Variants in SDHB observed in about 807,000 individuals in gnomAD.
SDHB encodes the protein succinate dehydrogenase [ubiquinone] iron-sulfur subunit, mitochondrial.
A neutral mutation model predicts 39.7 loss-of-function variants in SDHB; 21 were observed. The observed-to-expected ratio is 0.53, with a 90% confidence interval of 0.37 to 0.76. The LOEUF (loss-of-function observed/expected upper bound fraction) is 0.76. Among genes scored for constraint, SDHB ranks in the 30% least tolerant of loss-of-function variants. The pLI is 0.00. For missense variants in SDHB, 343 were observed against 350.9 expected, an observed-to-expected ratio of 0.98 and a Z score of 0.18; for synonymous variants, 118 against 117.0, an observed-to-expected ratio of 1.01 and a Z score of -0.06.
At chr1:17,048,953 C>T (rs1332199309) in intron 1 of SDHB, among the ~76,000 whole-genome samples, 7 of 152,038 alleles carry the variant, frequency 4.6e-5, no homozygotes, top group African/African-American at 1.2e-4. Flanking sequence ...TCAGGTGATC[C>T]GCCTGCCTTG....
At chr1:17,039,902 T>C (rs1325459447) in intron 2 of SDHB, among the ~76,000 whole-genome samples, 2 of 152,222 alleles carry the variant, frequency 1.3e-5, no homozygotes, top group Middle Eastern at 3.2e-3. Context: ...ATATCTACTA[T>C]GTCCAGCGCT....
chr1:17,023,241 C>G, intron 6 of SDHB: 1 of 260,714 alleles, frequency 3.8e-6, no homozygotes, highest in Non-Finnish European at 7.6e-6. Flanking sequence ...ATCACATGAC[C>G]ATAGGCCTGC....
At chr1:17,038,988 TTTTTTCTTGCGC>T (rs2078064299) in intron 2 of SDHB, among the ~76,000 whole-genome samples, 2 of 152,308 alleles carry the variant, frequency 1.3e-5, no homozygotes, top group South Asian at 4.1e-4. Context: ...TATTTCTTTA[TTTTTTCTTGCGC>T]TTTTTCTTGC....
At chr1:17,030,219 A>T (rs2101525423) in intron 3 of SDHB, among the ~76,000 whole-genome samples, 1 of 152,238 alleles carries the variant, frequency 6.6e-6, no homozygotes, top group South Asian at 2.1e-4. Context: ...TGTTTTTTGT[A>T]GAGCAGGTGT....
intron 1 of SDHB, 70 bp downstream of exon 1, chr1:17,053,878 C>T: frequency 8.7e-7 from 1 of 1,148,076 alleles, no homozygotes; most frequent in Non-Finnish European, 1.3e-6. Context: ...AGTCTCTCCG[C>T]AGCCCCATCA....
intron 1 of SDHB, among the ~76,000 whole-genome samples, chr1:17,049,647 CT>C (rs397835910): frequency 2.3e-3 from 120 of 52,046 alleles, no homozygotes; most frequent in African/African-American, 2.9e-3. Flanking sequence ...TCCCCTAGTT[CT>C]TTTTTTTTTT....
intron 1 of SDHB, among the ~76,000 whole-genome samples, chr1:17,052,832 G>A (rs1452142296): frequency 6.6e-6 from 1 of 152,222 alleles, no homozygotes; most frequent in Non-Finnish European, 1.5e-5. Flanking sequence ...TTAAGTGCAA[G>A]AGAGGAAGAG....
intron 1 of SDHB, among the ~76,000 whole-genome samples, chr1:17,050,374 C>T (rs1018742180): frequency 4.6e-5 from 7 of 151,374 alleles, no homozygotes; most frequent in African/African-American, 1.7e-4. Flanking sequence ...ATAGGCCAGG[C>T]GTGGTGGCTC....
intron 1 of SDHB, among the ~76,000 whole-genome samples, chr1:17,053,353 G>A (rs1311320442): frequency 6.6e-6 from 1 of 152,114 alleles, no homozygotes; most frequent in Non-Finnish European, 1.5e-5. Context: ...TGGTGACACT[G>A]CTTTAAGGAA....
Position 17,027,857 on chromosome 1 carries a change from G to C in SDHB, c.432C>G (p.Ser144Arg). 6.3e-7 allele frequency: 1 copy of C among 1,592,008 alleles called. No homozygotes were observed. The highest frequency in any genetic ancestry group is 8.6e-7 in the Non-Finnish European group (1 of 1,160,104). ...YVIKDLVPDLSNFYAQYKSIE... is the reference protein window; with the variant it reads ...YVIKDLVPDLRNFYAQYKSIE... ...TGGATTTGTACTGTGCATAGAAGTT[G>C]CTCAAATCCTGTGGTTAAGAGGAAG... Residue 144 changes from serine (S) to arginine (R), a missense_variant, in exon 5 of 8, where the codon AGC becomes AGG. Coordinates refer to ENST00000375499, the MANE Select transcript of SDHB (RefSeq NM_003000.3).
In SDHB at chr1:17,053,966, A is replaced by G. The variant is rs759446168; in HGVS notation, c.54T>C (p.Leu18=). ...GACTCACCTGCAGGCAGGCTCCGCCAAGGGTTGTGGCCGGCAACCGGCGCC... is the reference window on the plus strand; with the variant it reads ...GACTCACCTGCAGGCAGGCTCCGCCGAGGGTTGTGGCCGGCAACCGGCGCC... ...SLRRRLPATT[L]GGACLQASRG... Residue 18 remains leucine (L), a synonymous_variant, in exon 1 of 8, where the codon CTT becomes CTC. Transcript: ENST00000375499. 2 of 1,613,094 alleles carry G rather than the reference A, an allele frequency of 1.2e-6. No homozygotes were observed. The highest frequency in any genetic ancestry group is 1.7e-5 in the Admixed American group (1 of 59,948).
intron 2 of SDHB, among the ~76,000 whole-genome samples, chr1:17,033,642 G>A (rs1189862905): frequency 6.6e-6 from 1 of 152,314 alleles, no homozygotes; most frequent in South Asian, 2.1e-4. Flanking sequence ...CAGTGACATG[G>A]TACTAAGCGG....
chr1:17,028,664 T>G lies in SDHB; in HGVS notation c.359A>C (p.Asn120Thr). Residue 120 changes from asparagine (N) to threonine (T), a missense_variant, in exon 4 of 8, where the codon AAC becomes ACC. Physicochemically the swap from Asn to Thr is moderately conservative, Grantham distance 65. Coordinates refer to ENST00000375499, the MANE Select transcript of SDHB (RefSeq NM_003000.3). ...GTAGATTTTTGAGACCTTATTGAGG[T>G]TGGTGTCAATCCTTCGGGTGCAAGC... ...TLACTRRIDT[N>T]LNKVSKIYPL... is the part of the protein sequence containing the mutation. 6.2e-7 allele frequency: 1 copy of G among 1,614,156 alleles called. No homozygotes were observed. Among genetic ancestry groups the G allele is most frequent in the Non-Finnish European group, 8.5e-7 (1 of 1,179,992 alleles).
chr1:17,042,882 C>A (rs187352991), intron 2 of SDHB, among the ~76,000 whole-genome samples: 1 of 149,624 alleles, frequency 6.7e-6, no homozygotes, highest in African/African-American at 2.5e-5. Context: ...ATATTTTTTA[C>A]GTGTTCCTGA....
intron 3 of SDHB, among the ~76,000 whole-genome samples, chr1:17,029,421 G>A (rs1312191681): frequency 7.1e-6 from 1 of 141,750 alleles, no homozygotes; most frequent in African/African-American, 2.5e-5. Context: ...CCACACACCC[G>A]TCAAGCCTAT....
At chr1:17,025,942 G>A (rs1248267380) in intron 5 of SDHB, among the ~76,000 whole-genome samples, 2 of 152,130 alleles carry the variant, frequency 1.3e-5, no homozygotes, top group Non-Finnish European at 2.9e-5. Flanking sequence ...TTCAGATTTC[G>A]GATTTGGGGT....
intron 6 of SDHB, 167 bp from the exon 7 acceptor site, chr1:17,022,897 C>T (rs2077969989): frequency 2.4e-6 from 2 of 819,388 alleles, no homozygotes; most frequent in South Asian, 3.0e-5. Context: ...AGGTTCCCAA[C>T]ACTTGTAGCT....
rs199714034 is a variant in SDHB, at chr1:17,018,953, C to G, written c.771G>C (p.Leu257=). 1.2e-6 allele frequency: 2 copies of G among 1,609,414 alleles called. No individual in the cohort carries two copies. Among genetic ancestry groups the G allele is most frequent in the Non-Finnish European group, 1.7e-6 (2 of 1,176,538 alleles). Residue 257 remains leucine, a synonymous_variant, in exon 8 of 8, where the codon CTG becomes CTC. Transcript: ENST00000375499. ...TCTCTGCAATAGCTTTCCCTGGATT[C>G]AGACCCTTGAAAAAAGAGAAAAGAA... ...MNCTRTCPKG[L]NPGKAIAEIK... is the part of the protein sequence containing the mutation.
chr1:17,034,332 A>T lies in SDHB; in HGVS notation c.201-1187T>A, dbSNP rs149169308. ...CAGCTTAATTTTTGTATTTTTTTGT[A>T]GAGGTGGGATTTCGCCATGTTGCCC... is the stretch of plus-strand genomic sequence containing the variant. On this transcript the variant is annotated intron_variant, in intron 2 of 7. Coordinates refer to ENST00000375499, the MANE Select transcript of SDHB (RefSeq NM_003000.3). Among the ~76,000 whole-genome samples, 1,427 of 151,940 alleles carry T rather than the reference A, an allele frequency of 9.4e-3. 13 individuals carry two copies. Among genetic ancestry groups the T allele is most frequent in the Middle Eastern group, 0.024 (7 of 294 alleles).
Sources: allele counts gnomAD v4.1 joint callset (sites outside exome capture counted in the v4.1 genomes callset), GRCh38; gene constraint gnomAD v4.1.1; transcripts MANE v1.5; gene names NCBI Gene and HGNC (gene_info 2026-07-23, HGNC 2026-07-21).